The following MIB2 variants were observed in gnomAD, a reference collection of about 807,000 sequenced individuals.
The protein encoded by MIB2 is MIB E3 ubiquitin protein ligase 2.
In MIB2, 78 loss-of-function variants were observed where a neutral mutation model predicts 96.6. That is an observed-to-expected ratio of 0.81 (90% CI 0.67 to 0.97). The LOEUF is 0.97. MIB2 is among the 50% of genes least tolerant of loss of function. MIB2 has a pLI of 0.00. For missense variants in MIB2, 1,543 were observed against 1,424.0 expected, an observed-to-expected ratio of 1.08 and a Z score of -1.35; for synonymous variants, 820 against 629.5, an observed-to-expected ratio of 1.30 and a Z score of -4.53.
At chr1:1,616,897 C>T (rs1643774295) in intron 2 of MIB2, 2 of 378,680 alleles carry the variant, frequency 5.3e-6, no homozygotes, top group Non-Finnish European at 9.6e-6. Flanking sequence ...CCCCTTTGTC[C>T]GGTTCCACCC....
At position 1,623,766 on chromosome 1, in the gene MIB2, AC is replaced by A; in HGVS notation, c.248-3del. 6.4e-7 allele frequency: 1 copy of A among 1,569,744 alleles called. No homozygotes were observed. The highest frequency in any genetic ancestry group is 8.6e-7 in the Non-Finnish European group (1 of 1,160,782). On this transcript the variant is annotated splice_polypyrimidine_tract_variant and splice_region_variant and intron_variant, in intron 3 of 19. Coordinates refer to ENST00000355826, the MANE Select transcript of MIB2 (RefSeq NM_001170687.4). ...GGGAACGCCCCTCTGACCCCACCCCACCCCCAGGCGTCCGGCACCCCAACAT... is the reference window on the plus strand; with the variant it reads ...GGGAACGCCCCTCTGACCCCACCCCACCCCAGGCGTCCGGCACCCCAACAT...
chr1:1,624,205 C>G lies in MIB2; in HGVS notation c.419+260C>G, dbSNP rs72897886. The G allele has an allele frequency of 7.5e-6, 4 of 533,904 alleles. No individual in the cohort carries two copies. In the South Asian group the frequency reaches 7.9e-5, roughly 11 times the overall value. The allele number at this position is 533,904 out of a possible 1,614,324, so 33.1% of individuals were successfully genotyped here. On this transcript the variant is annotated intron_variant, in intron 4 of 19. Transcript: ENST00000355826. The stretch of plus-strand genomic sequence containing the variant: ...GACCTCCAGGAGGACAGCCCATACC[C>G]GGAGCCAGCACCTGGGCTGTCTTGG...
Position 1,626,805 on chromosome 1 carries a change from C to T in MIB2, c.1078-32C>T, listed in dbSNP as rs888865113. 5.6e-6 allele frequency: 9 copies of T among 1,596,022 alleles called. No homozygotes were observed. In the African/African-American group the frequency reaches 6.7e-5, roughly 12 times the overall value. ...CTAGCGCCGCTGCCCCCCACACCTGCAGCCTGCTGTGACCCCCTCCCCTCC... is the reference window on the plus strand; with the variant it reads ...CTAGCGCCGCTGCCCCCCACACCTGTAGCCTGCTGTGACCCCCTCCCCTCC... On this transcript the variant is annotated intron_variant, in intron 9 of 19. Coordinates refer to ENST00000355826, the MANE Select transcript of MIB2 (RefSeq NM_001170687.4). The surrounding 1 kb of genome is among the most constrained non-coding windows in gnomAD (Gnocchi z 5.3).
At position 1,627,618 on chromosome 1, in the gene MIB2, G is replaced by A. The variant is rs866436443; in HGVS notation, c.1524-55G>A. The A allele has an allele frequency of 1.7e-4, 266 of 1,546,300 alleles. 2 individuals carry two copies. The African/African-American group carries it at 3.0e-3, about 17-fold the overall frequency. On this transcript the variant is annotated intron_variant, in intron 12 of 19. Coordinates refer to ENST00000355826, the MANE Select transcript of MIB2 (RefSeq NM_001170687.4). ...GGTCGGGCCTGGCGGGGCTGAGCCT[G>A]TGCGTCCAGCCACCGGGCCCGGCGC...
chr1:1,615,508 G>A lies in MIB2; in HGVS notation c.-255G>A. 2.0e-6 allele frequency: 3 copies of A among 1,529,394 alleles called. No homozygotes were observed. Among genetic ancestry groups the A allele is most frequent in the Non-Finnish European group, 2.6e-6 (3 of 1,144,738 alleles). The allele number at this position is 1,529,394 out of a possible 1,614,324, so 94.7% of individuals were successfully genotyped here. ...GCGGGCCCTGGGCTCCCGCCCTTCG[G>A]GTCCCACAGTTTCCAGCCGCCGCTC... On this transcript the variant is annotated 5_prime_UTR_variant, in exon 1 of 20. Coordinates refer to ENST00000355826, the MANE Select transcript of MIB2 (RefSeq NM_001170687.4).
In MIB2 at chr1:1,623,540, G is replaced by A. The variant is rs1054796124; in HGVS notation, c.88G>A (p.Glu30Lys). The change falls in exon 3 of 20, where the codon GAG becomes AAG. Residue 30 changes from glutamate (E) to lysine (K), a missense_variant. Transcript: ENST00000355826. ...GAAGTGGGGCCAGCAGGACGGCGGC[G>A]AGGGCGGCGTGGGCACGGTGGTGGA... ...DWKWGQQDGG[E>K]GGVGTVVELG... 3 of 1,539,106 alleles carry A rather than the reference G, an allele frequency of 1.9e-6. No homozygotes were observed. Among genetic ancestry groups the A allele is most frequent in the South Asian group, 2.4e-5 (2 of 81,638 alleles).
At chr1:1,616,949 C>T (rs1643783008) in intron 2 of MIB2, 1 of 275,672 alleles carries the variant, frequency 3.6e-6, no homozygotes, top group Non-Finnish European at 7.0e-6. Flanking sequence ...GAATGTGGCG[C>T]TCTCCTGGCC....
Position 1,625,046 on chromosome 1 carries a change from A to G in MIB2, c.582A>G (p.Thr194=), listed in dbSNP as rs1442252587. The part of the protein sequence containing the change: ...VVDIRGWDVE[T]GRSVASVTWA... The stretch of plus-strand genomic sequence containing the variant: ...ACATCCGTGGCTGGGATGTGGAGAC[A>G]GGCCGGAGTGTGGCCAGCGTGACGT... Residue 194 remains threonine, a synonymous_variant, in exon 6 of 20, where the codon ACA becomes ACG. Transcript: ENST00000355826. This position sits in a 1 kb window ranked among gnomAD's most constrained non-coding sequence, Gnocchi z 5.0. The G allele has an allele frequency of 6.2e-7, 1 of 1,613,238 alleles. No homozygotes were observed. Among genetic ancestry groups the G allele is most frequent in the Admixed American group, 1.7e-5 (1 of 60,026 alleles).
chr1:1,623,684 G>A lies in MIB2; in HGVS notation c.232G>A (p.Asp78Asn). The A allele has an allele frequency of 3.3e-6, 5 of 1,496,016 alleles. No homozygotes were observed. The highest frequency in any genetic ancestry group is 1.4e-5 in the African/African-American group (1 of 71,826). The allele number at this position is 1,496,016 out of a possible 1,614,324, so 92.7% of individuals were successfully genotyped here. ...GGGCGCGCACGACCTGCTGCTGTAC[G>A]ACAACGCCCAGATCGGTGCGCGCCA... Reference protein sequence around the residue: ...YQGAHDLLLYDNAQIGVRHPN... With the variant: ...YQGAHDLLLYNNAQIGVRHPN... The change falls in exon 3 of 20, where the codon GAC becomes AAC. Residue 78 changes from aspartate (D) to asparagine (N), a missense_variant. By Grantham distance (23) the Asp-to-Asn change is conservative. Transcript: ENST00000355826.
chr1:1,625,659 G>T lies in MIB2; in HGVS notation c.972+6G>T. 30 of 1,547,000 alleles carry T rather than the reference G, an allele frequency of 1.9e-5. No homozygotes were observed. The highest frequency in any genetic ancestry group is 2.6e-5 in the Non-Finnish European group (30 of 1,143,202). On this transcript the variant is annotated splice_donor_region_variant and intron_variant, in intron 8 of 19. Coordinates refer to ENST00000355826, the MANE Select transcript of MIB2 (RefSeq NM_001170687.4). This position sits in a 1 kb window ranked among gnomAD's most constrained non-coding sequence, Gnocchi z 5.0. ...ACCCCGGGGCGCTCACCAAGGTGCC[G>T]GGGGGGCTGGGCTGCGCCTCATCTG... is the stretch of plus-strand genomic sequence containing the variant.
Position 1,627,202 on chromosome 1 carries a change from G to C in MIB2, c.1369G>C (p.Glu457Gln). The change falls in exon 11 of 20, where the codon GAG becomes CAG. Residue 457 changes from glutamate to glutamine, a missense_variant. Coordinates refer to ENST00000355826, the MANE Select transcript of MIB2 (RefSeq NM_001170687.4). ...RALDLLRRRPEQVDTKNQGRT... is the reference protein window; with the variant it reads ...RALDLLRRRPQQVDTKNQGRT... ...TCTGGACCTGCTGCGGAGGCGCCCA[G>C]AGCAGGCAAGCTCCTGACCCCGTCC... 6.2e-7 allele frequency: 1 copy of C among 1,604,280 alleles called. No homozygotes were observed. Among genetic ancestry groups the C allele is most frequent in the Non-Finnish European group, 8.5e-7 (1 of 1,175,956 alleles).
chr1:1,614,051 A>AG (rs1184507502), upstream of MIB2: 1 of 151,662 alleles, frequency 6.6e-6, no homozygotes, highest in Non-Finnish European at 1.5e-5. Context: ...TTAGGTAATT[A>AG]TTAACTCAAA....
Position 1,627,074 on chromosome 1 carries a change from GCTCA to G in MIB2, c.1244_1247del (p.Ser415Ter). ...CCACTAACCTCAGCCCTGCCCCCAG[GCTCA>G]CTGAGCGTGGCCCTGGACAAGCTTC... On this transcript the variant is annotated frameshift_variant and splice_region_variant, in exon 11 of 20. Transcript: ENST00000355826. LOFTEE classifies it high-confidence loss of function. 6.3e-7 allele frequency: 1 copy of G among 1,599,928 alleles called. No homozygotes were observed. The highest frequency in any genetic ancestry group is 8.5e-7 in the Non-Finnish European group (1 of 1,173,748).
chr1:1,627,900 C>T lies in MIB2; in HGVS notation c.1680+71C>T, dbSNP rs1459442728. 9 of 1,596,510 alleles carry T rather than the reference C, an allele frequency of 5.6e-6. No homozygotes were observed. In the East Asian group the frequency reaches 2.0e-4, roughly 36 times the overall value. On this transcript the variant is annotated intron_variant, in intron 13 of 19. Coordinates refer to ENST00000355826, the MANE Select transcript of MIB2 (RefSeq NM_001170687.4). ...TGTCCCTGGCCTGGGTTCCCTCTGC[C>T]CATGTGTGCTGCTCCCTGGCCTGGG... is the stretch of plus-strand genomic sequence containing the variant.
intron 2 of MIB2, among the ~76,000 whole-genome samples, chr1:1,622,331 C>T (rs547139032): frequency 3.5e-4 from 53 of 152,366 alleles, no homozygotes; most frequent in Admixed American, 3.1e-3. Context: ...TTCTGATTTT[C>T]CCTCTTAATG....
At chr1:1,621,534 G>A (rs1222910330) in intron 2 of MIB2, among the ~76,000 whole-genome samples, 1 of 152,250 alleles carries the variant, frequency 6.6e-6, no homozygotes, top group Non-Finnish European at 1.5e-5. Context: ...GAGGGAGGCA[G>A]CGTCACCCGA....
In MIB2 at chr1:1,629,136, C is replaced by T; in HGVS notation, c.2206C>T (p.Gln736Ter). Residue 736 changes from glutamine to a stop codon, truncating the protein, a stop_gained, in exon 17 of 20, where the codon CAG becomes TAG. Coordinates refer to ENST00000355826, the MANE Select transcript of MIB2 (RefSeq NM_001170687.4). LOFTEE classifies it high-confidence loss of function. Reference protein sequence around the residue: ...PGPLQLLSRLQASGLPGSAEL... With the variant: ...PGPLQLLSRL ...CGGCGTCTGTCCTGCCGCCCAGCTA[C>T]AGGCCTCGGGCCTCCCCGGCAGCGC... 1 of 1,487,774 alleles carries T rather than the reference C, an allele frequency of 6.7e-7. No homozygotes were observed. The highest frequency in any genetic ancestry group is 8.9e-7 in the Non-Finnish European group (1 of 1,128,364). The allele number at this position is 1,487,774 out of a possible 1,614,324, so 92.2% of individuals were successfully genotyped here.
intron 2 of MIB2, chr1:1,623,082 T>C (rs2100426171): frequency 2.2e-6 from 1 of 457,108 alleles, no homozygotes; most frequent in African/African-American, 2.1e-5. Context: ...AAGTCCAGTG[T>C]CCAGCTCATT....
In MIB2 at chr1:1,625,300, C is replaced by T; in HGVS notation, c.736C>T (p.Leu246=). The change falls in exon 7 of 20, where the codon CTG becomes TTG. Residue 246 remains leucine (L), a synonymous_variant. Coordinates refer to ENST00000355826, the MANE Select transcript of MIB2 (RefSeq NM_001170687.4). The surrounding 1 kb of genome is among the most constrained non-coding windows in gnomAD (Gnocchi z 5.0). ...HLPRLGKPAE[L]QRRVSADSQP... ...ACCCTCCGCAGGCAAGCCGGCGGAG[C>T]TGCAGCGCAGGGTGAGTGCTGACAG... 6.3e-7 allele frequency: 1 copy of T among 1,586,254 alleles called. No individual in the cohort carries two copies.
Sources: allele counts gnomAD v4.1 joint callset (sites outside exome capture counted in the v4.1 genomes callset), GRCh38; gene constraint gnomAD v4.1.1; non-coding constraint Gnocchi (gnomAD v3.1); transcripts MANE v1.5; gene names NCBI Gene and HGNC (gene_info 2026-07-23, HGNC 2026-07-21).